The following LRBA variants were observed in gnomAD, a reference collection of about 807,000 sequenced individuals.
The protein encoded by LRBA is lipopolysaccharide-responsive and beige-like anchor protein.
In LRBA, 176 loss-of-function variants were observed where a neutral mutation model predicts 330.0. The observed-to-expected ratio is 0.53, with a 90% confidence interval of 0.47 to 0.60. The LOEUF (loss-of-function observed/expected upper bound fraction) is 0.60. Ranked by LOEUF, LRBA falls within the 20% of genes least tolerant of loss-of-function variation. The pLI, the probability that LRBA is intolerant of heterozygous loss-of-function variation, is 0.00. For synonymous variants in LRBA, 1,230 were observed against 1,193.0 expected (o/e 1.03, Z -0.64); for missense variants, 3,259 against 3,444.8 (o/e 0.95, Z 1.35).
At chr4:150,453,070 A>G (rs75546947) in intron 44 of LRBA, among the ~76,000 whole-genome samples, 2,684 of 152,306 alleles carry the variant, frequency 0.018, 83 homozygotes, top group African/African-American at 0.059. Context: ...CGGAAAAGAC[A>G]CTATACTAAG....
rs745794822 is a variant in LRBA at position 150,599,143 on chromosome 4, C to G, written c.5922-12G>C. ...ACTCAAGAGGACGACTACAATGAAA[C>G]AGAGAAGCCACATATGTTAGCAATT... On this transcript the variant is annotated splice_polypyrimidine_tract_variant and intron_variant, in intron 37 of 56. Transcript: ENST00000651943. 5.6e-6 allele frequency: 9 copies of G among 1,613,350 alleles called. No individual in the cohort carries two copies. In the East Asian group the frequency reaches 2.0e-4, roughly 36 times the overall value.
intron 41 of LRBA, 27 bp from the exon 42 acceptor site, chr4:150,487,861 G>C (rs1758073825): frequency 2.3e-6 from 3 of 1,316,130 alleles, no homozygotes; most frequent in African/African-American, 1.4e-5. Context: ...TTAAAAATTA[G>C]AACACAGTAT....
chr4:150,628,864 C>A (rs1472608573), intron 37 of LRBA, among the ~76,000 whole-genome samples: 1 of 152,186 alleles, frequency 6.6e-6, no homozygotes, highest in African/African-American at 2.4e-5. Context: ...AAATGGATAA[C>A]AAGTATTAAT....
In LRBA at chr4:150,745,822, A is replaced by G. The variant is rs551231385; in HGVS notation, c.5646-10456T>C. ...AGCCACTGCGCCCAGCCGAGAAAAA[A>G]TCTTGTGTGTTCTATTTTCAAGAGA... On this transcript the variant is annotated intron_variant, in intron 35 of 56. Coordinates refer to ENST00000651943, the MANE Select transcript of LRBA (RefSeq NM_001364905.1). Among the ~76,000 whole-genome samples, 468 of 152,134 alleles carry G rather than the reference A, an allele frequency of 3.1e-3. 2 individuals carry two copies. Among genetic ancestry groups the G allele is most frequent in the Middle Eastern group, 0.01 (3 of 294 alleles).
At chr4:150,381,615 G>T (rs905244382) in intron 47 of LRBA, among the ~76,000 whole-genome samples, 1 of 152,132 alleles carries the variant, frequency 6.6e-6, no homozygotes, top group Non-Finnish European at 1.5e-5. Context: ...AGGCATTTGG[G>T]TTGTTTCTAC....
chr4:150,798,198 TTACAA>T, intron 33 of LRBA, 56 bp from the exon 34 acceptor site: 3 of 1,123,836 alleles, frequency 2.7e-6, no homozygotes, highest in Non-Finnish European at 2.7e-6. Context: ...TGAGGATTTG[TTACAA>T]TTTCATCCAA....
intron 31 of LRBA, among the ~76,000 whole-genome samples, chr4:150,814,308 C>T (rs1166213929): frequency 6.6e-6 from 1 of 151,858 alleles, no homozygotes; most frequent in Admixed American, 6.6e-5. Context: ...GGGGTAGTTT[C>T]CATGTGAAAA....
At chr4:150,961,537 A>C (rs1412413440) in intron 2 of LRBA, among the ~76,000 whole-genome samples, 1 of 149,352 alleles carries the variant, frequency 6.7e-6, no homozygotes, top group Non-Finnish European at 1.5e-5. Flanking sequence ...AAAACAAAAA[A>C]TACTATTTTT....
intron 34 of LRBA, among the ~76,000 whole-genome samples, chr4:150,792,834 A>G (rs1740172093): frequency 6.6e-6 from 1 of 152,134 alleles, no homozygotes; most frequent in Admixed American, 6.5e-5. Flanking sequence ...TAATCCCAGC[A>G]CTTTGGGAGG....
intron 56 of LRBA, among the ~76,000 whole-genome samples, chr4:150,269,078 C>A (rs1256726360): frequency 6.6e-6 from 1 of 152,058 alleles, no homozygotes; most frequent in Non-Finnish European, 1.5e-5. Flanking sequence ...CATTTTTATA[C>A]ACTAACAAAC....
chr4:150,777,437 T>C (rs1737544438), intron 34 of LRBA, among the ~76,000 whole-genome samples: 1 of 152,154 alleles, frequency 6.6e-6, no homozygotes, highest in South Asian at 2.1e-4. Flanking sequence ...TTTTCCTTAT[T>C]ATAAAAATAT....
intron 2 of LRBA, among the ~76,000 whole-genome samples, chr4:151,005,862 C>A (rs36184822): frequency 6.6e-6 from 1 of 152,058 alleles, no homozygotes; most frequent in Admixed American, 6.6e-5. Flanking sequence ...TCCCAAAGCA[C>A]TGGGATTACA....
chr4:150,966,331 G>A (rs541530187), intron 2 of LRBA, among the ~76,000 whole-genome samples: 4 of 149,342 alleles, frequency 2.7e-5, no homozygotes, highest in Admixed American at 6.6e-5. Context: ...TTTTTGAGAC[G>A]GAGTCTCGTT....
intron 40 of LRBA, among the ~76,000 whole-genome samples, chr4:150,564,446 C>G (rs370623052): frequency 1.3e-5 from 2 of 152,170 alleles, no homozygotes; most frequent in African/African-American, 2.4e-5. Flanking sequence ...AGAAGAAAAC[C>G]TAGGCAATAC....
chr4:150,698,551 C>G (rs1784831443), intron 36 of LRBA, among the ~76,000 whole-genome samples: 1 of 152,118 alleles, frequency 6.6e-6, no homozygotes, highest in South Asian at 2.1e-4. Flanking sequence ...TTTGCTTTTT[C>G]TAGCTTGCTA....
At chr4:150,803,075 A>ATATAT (rs1553964880) in intron 33 of LRBA, among the ~76,000 whole-genome samples, 46 of 129,904 alleles carry the variant, frequency 3.5e-4, no homozygotes, top group Admixed American at 1.3e-3. Flanking sequence ...ACAAAAAAAA[A>ATATAT]ATATATATAC....
rs1410784420 is a variant in LRBA, at chr4:150,683,791, A to T, written c.5755-74T>A. ...TAAAATCCATTATGAAATAATCTTTACCCTAAATCAAAACAACCAAAATTT... is the reference window on the plus strand; with the variant it reads ...TAAAATCCATTATGAAATAATCTTTTCCCTAAATCAAAACAACCAAAATTT... On this transcript the variant is annotated intron_variant, in intron 36 of 56. Transcript: ENST00000651943. The T allele has an allele frequency of 3.3e-6, 4 of 1,199,088 alleles. No individual in the cohort carries two copies. The African/African-American group carries it at 6.2e-5, about 19-fold the overall frequency. The allele number at this position is 1,199,088 out of a possible 1,614,324, so 74.3% of individuals were successfully genotyped here.
chr4:150,454,032 C>A (rs1287487268), intron 44 of LRBA, among the ~76,000 whole-genome samples: 1 of 152,140 alleles, frequency 6.6e-6, no homozygotes, highest in Non-Finnish European at 1.5e-5. Context: ...ACGATCTCCA[C>A]TCACTGCAAC....
At chr4:150,892,234 G>A (rs113483305) in intron 17 of LRBA, among the ~76,000 whole-genome samples, 2 of 152,248 alleles carry the variant, frequency 1.3e-5, no homozygotes, top group African/African-American at 2.4e-5. Context: ...TTCCTTATAC[G>A]TAAAATAGAG....
Sources: gnomAD v4.1 joint callset for allele counts (sites outside exome capture counted in the v4.1 genomes callset) on GRCh38, gnomAD v4.1.1 for gene constraint, MANE v1.5 for transcripts, NCBI Gene and HGNC (gene_info 2026-07-23, HGNC 2026-07-21) for gene names.